The following KCNK12 variants were observed in gnomAD, a reference collection of about 807,000 sequenced individuals.
KCNK12 encodes potassium two pore domain channel subfamily K member 12.
A neutral mutation model predicts 25.3 loss-of-function variants in KCNK12; 6 were observed. That is an observed-to-expected ratio of 0.24 (90% CI 0.13 to 0.47). The LOEUF is 0.47. KCNK12 is among the 20% of genes least tolerant of loss of function. The pLI is 0.99. For synonymous variants in KCNK12, 331 were observed against 311.1 expected (o/e 1.06, Z -0.67); for missense variants, 444 against 661.7 (o/e 0.67, Z 3.61).
In KCNK12 at chr2:47,515,730, G is replaced by T. The variant is rs1374996192; in HGVS notation, c.*5177C>A. ...ATTTCTAGGGAAAATTGAAGGAAAA[G>T]AAGGAGGGGGATGTGGAGGGGAGAG... On this transcript the variant is annotated 3_prime_UTR_variant, in exon 2 of 2. Transcript: ENST00000327876. Among the ~76,000 whole-genome samples, 1 of 152,154 alleles carries T rather than the reference G, an allele frequency of 6.6e-6. No individual in the cohort carries two copies. The highest frequency in any genetic ancestry group is 2.4e-5 in the African/African-American group (1 of 41,426).
chr2:47,538,768 CAA>C lies in KCNK12; in HGVS notation c.392-16962_392-16961del, dbSNP rs1426868341. Among the ~76,000 whole-genome samples, 3 of 152,118 alleles carry C rather than the reference CAA, an allele frequency of 2.0e-5. No individual in the cohort carries two copies. Among genetic ancestry groups the C allele is most frequent in the Non-Finnish European group, 4.4e-5 (3 of 68,030 alleles). On this transcript the variant is annotated intron_variant, in intron 1 of 1. Transcript: ENST00000327876. The surrounding 1 kb of genome is among the most constrained non-coding windows in gnomAD (Gnocchi z 4.5). ...CCTGGGTGACAGAGAAAACAATGGA[CAA>C]AGAGATTAGCCAGCAAATCCCTCCT... is the stretch of plus-strand genomic sequence containing the variant.
At chr2:47,541,873 C>T (rs368258924) in intron 1 of KCNK12, among the ~76,000 whole-genome samples, 23 of 152,324 alleles carry the variant, frequency 1.5e-4, no homozygotes, top group African/African-American at 5.3e-4. Flanking sequence ...TTAAGTCCCC[C>T]AGTCCGTGGT....
chr2:47,546,561 G>C (rs916455417), intron 1 of KCNK12, among the ~76,000 whole-genome samples: 2 of 152,178 alleles, frequency 1.3e-5, no homozygotes, highest in Non-Finnish European at 2.9e-5. Context: ...GGAGGCTGAG[G>C]TGGGAGGATC....
At chr2:47,546,056 A>G (rs989915505) in intron 1 of KCNK12, among the ~76,000 whole-genome samples, 8 of 152,212 alleles carry the variant, frequency 5.3e-5, no homozygotes, top group African/African-American at 1.9e-4. Flanking sequence ...GCTGTAAATG[A>G]AGCAAGTGTC....
In KCNK12 at chr2:47,551,788, A is replaced by G. The variant is rs542484314; in HGVS notation, c.391+18153T>C. 9.2e-5 allele frequency among the ~76,000 whole-genome samples: 14 copies of G among 152,360 alleles called. No individual in the cohort carries two copies. In the East Asian group the frequency reaches 2.1e-3, roughly 23 times the overall value. On this transcript the variant is annotated intron_variant, in intron 1 of 1. Coordinates refer to ENST00000327876, the MANE Select transcript of KCNK12 (RefSeq NM_022055.2). This position sits in a 1 kb window ranked among gnomAD's most constrained non-coding sequence, Gnocchi z 5.3. ...ATTGGTTTAAGATTCAGTTCTAGCCACAGGCTGCACTGTGCATAAATCTAG... is the reference window on the plus strand; with the variant it reads ...ATTGGTTTAAGATTCAGTTCTAGCCGCAGGCTGCACTGTGCATAAATCTAG...
At chr2:47,563,906 G>C (rs570126048) in intron 1 of KCNK12, 1 of 232,254 alleles carries the variant, frequency 4.3e-6, no homozygotes, top group South Asian at 1.8e-4. Flanking sequence ...CTCTCAGCTG[G>C]CTTGGCCCAG....
chr2:47,569,892 C>G lies in KCNK12; in HGVS notation c.391+49G>C, dbSNP rs1162387105. On this transcript the variant is annotated intron_variant, in intron 1 of 1. Transcript: ENST00000327876. This position sits in a 1 kb window ranked among gnomAD's most constrained non-coding sequence, Gnocchi z 4.1. ...AGCGGCCGAGCAGTGGAAAGGGCGG[C>G]AGGTGAAAGGCACAGAGAGGAAAGA... 7.8e-7 allele frequency: 1 copy of G among 1,286,376 alleles called. No homozygotes were observed. Among genetic ancestry groups the G allele is most frequent in the Non-Finnish European group, 9.9e-7 (1 of 1,006,198 alleles). 79.7% of individuals were successfully genotyped at this position (1,286,376 alleles called of 1,614,324 possible).
rs1026071348 is a variant in KCNK12 at position 47,538,784 on chromosome 2, C to G, written c.392-16976G>C. 1.1e-4 allele frequency among the ~76,000 whole-genome samples: 16 copies of G among 152,086 alleles called. No homozygotes were observed. The highest frequency in any genetic ancestry group is 1.9e-4 in the Non-Finnish European group (13 of 68,026). On this transcript the variant is annotated intron_variant, in intron 1 of 1. Transcript: ENST00000327876. This position sits in a 1 kb window ranked among gnomAD's most constrained non-coding sequence, Gnocchi z 4.5. Reference sequence around the variant, plus strand: ...AACAATGGACAAAGAGATTAGCCAGCAAATCCCTCCTGCACACTTTCAGGG... The same window carrying G: ...AACAATGGACAAAGAGATTAGCCAGGAAATCCCTCCTGCACACTTTCAGGG...
chr2:47,529,334 C>G lies in KCNK12; in HGVS notation c.392-7526G>C, dbSNP rs546354624. On this transcript the variant is annotated intron_variant, in intron 1 of 1. Transcript: ENST00000327876. This position sits in a 1 kb window ranked among gnomAD's most constrained non-coding sequence, Gnocchi z 4.3. ...GGTCAGAAAATGGGCCCAGGAATTT[C>G]ATTTTAACAAATGTCTCCAGATAAA... 9.5e-4 allele frequency among the ~76,000 whole-genome samples: 144 copies of G among 152,284 alleles called. No individual in the cohort carries two copies. Among genetic ancestry groups the G allele is most frequent in the Middle Eastern group, 3.4e-3 (1 of 294 alleles).
chr2:47,545,914 C>CTT lies in KCNK12; in HGVS notation c.391+24025_391+24026dup, dbSNP rs541242406. Among the ~76,000 whole-genome samples, 88 of 145,082 alleles carry CTT rather than the reference C, an allele frequency of 6.1e-4. 1 individual carries two copies. Among genetic ancestry groups the CTT allele is most frequent in the African/African-American group, 1.8e-3 (72 of 39,746 alleles). On this transcript the variant is annotated intron_variant, in intron 1 of 1. Coordinates refer to ENST00000327876, the MANE Select transcript of KCNK12 (RefSeq NM_022055.2). ...GCCGAGACTGAATTGCACTTAACTT[C>CTT]TTTTTTTTTTTTTTCTCAAATAATT...
In KCNK12 at chr2:47,515,805, G is replaced by A. The variant is rs1325519535; in HGVS notation, c.*5102C>T. Among the ~76,000 whole-genome samples, 1 of 152,192 alleles carries A rather than the reference G, an allele frequency of 6.6e-6. No individual in the cohort carries two copies. Among genetic ancestry groups the A allele is most frequent in the African/African-American group, 2.4e-5 (1 of 41,446 alleles). Reference sequence around the variant, plus strand: ...TTATTAGGGCAAGTAAGCTGCTTCTGAAAAGAAGGGGTTTGCAAAGCCAAC... The same window carrying A: ...TTATTAGGGCAAGTAAGCTGCTTCTAAAAAGAAGGGGTTTGCAAAGCCAAC... On this transcript the variant is annotated 3_prime_UTR_variant, in exon 2 of 2. Transcript: ENST00000327876.
At chr2:47,534,080 C>G (rs1206256031) in intron 1 of KCNK12, among the ~76,000 whole-genome samples, 1 of 151,940 alleles carries the variant, frequency 6.6e-6, no homozygotes, top group African/African-American at 2.4e-5. Flanking sequence ...AGTAGGGGAG[C>G]TAGGGACAGA....
At chr2:47,559,144 G>C (rs1669611605) in intron 1 of KCNK12, among the ~76,000 whole-genome samples, 1 of 152,198 alleles carries the variant, frequency 6.6e-6, no homozygotes, top group Admixed American at 6.5e-5. Context: ...GTCTAGTTTG[G>C]TTTCAGTCCA....
intron 1 of KCNK12, among the ~76,000 whole-genome samples, chr2:47,544,223 G>C (rs961188496): frequency 1.3e-5 from 2 of 152,180 alleles, no homozygotes; most frequent in Non-Finnish European, 2.9e-5. Flanking sequence ...CATACACGTG[G>C]TGTTTCGGGG....
intron 1 of KCNK12, among the ~76,000 whole-genome samples, chr2:47,527,293 C>T (rs1179429799): frequency 6.6e-6 from 1 of 152,218 alleles, no homozygotes; most frequent in East Asian, 1.9e-4. Context: ...CTCCTTTCTA[C>T]TGATCATTGC....
Position 47,513,297 on chromosome 2 carries a change from C to G in KCNK12, c.*7610G>C, listed in dbSNP as rs1481241343. 1 of 152,192 alleles carries G rather than the reference C, an allele frequency of 6.6e-6. No individual in the cohort carries two copies. The highest frequency in any genetic ancestry group is 1.5e-5 in the Non-Finnish European group (1 of 68,032). 9.4% of individuals were successfully genotyped at this position (152,192 alleles called of 1,614,324 possible). Reference sequence around the variant, plus strand: ...TTCTGCCAAGGTCACTGATATTTCCCTTTGCTAAATCTTGTGGGTGTTTTC... The same window carrying G: ...TTCTGCCAAGGTCACTGATATTTCCGTTTGCTAAATCTTGTGGGTGTTTTC... On this transcript the variant is annotated 3_prime_UTR_variant, in exon 2 of 2. Transcript: ENST00000327876.
At chr2:47,558,821 G>C (rs1572608723) in intron 1 of KCNK12, among the ~76,000 whole-genome samples, 1 of 152,338 alleles carries the variant, frequency 6.6e-6, no homozygotes, top group African/African-American at 2.4e-5. Flanking sequence ...GATGGTGCTG[G>C]GCCGTGTGGG....
In KCNK12 at chr2:47,560,865, G is replaced by A. The variant is rs1187784741; in HGVS notation, c.391+9076C>T. On this transcript the variant is annotated intron_variant, in intron 1 of 1. Transcript: ENST00000327876. This position sits in a 1 kb window ranked among gnomAD's most constrained non-coding sequence, Gnocchi z 4.7. ...AGTTTGGAAAGGGGAGATACTGGTG[G>A]GCTCTGTGGCCTCCCCTGGCCCCAG... 6.6e-6 allele frequency among the ~76,000 whole-genome samples: 1 copy of A among 152,084 alleles called. No individual in the cohort carries two copies. The highest frequency in any genetic ancestry group is 2.4e-5 in the African/African-American group (1 of 41,394).
rs1046331871 is a variant in KCNK12 at position 47,547,965 on chromosome 2, G to C, written c.391+21976C>G. Among the ~76,000 whole-genome samples, 5 of 152,112 alleles carry C rather than the reference G, an allele frequency of 3.3e-5. No individual in the cohort carries two copies. Among genetic ancestry groups the C allele is most frequent in the Admixed American group, 1.3e-4 (2 of 15,268 alleles). Reference sequence around the variant, plus strand: ...GTGGTGGGAAGTGATTGGAACATGGGGGTGGATTTCCCCCTTGCCGTTCTC... The same window carrying C: ...GTGGTGGGAAGTGATTGGAACATGGCGGTGGATTTCCCCCTTGCCGTTCTC... On this transcript the variant is annotated intron_variant, in intron 1 of 1. Transcript: ENST00000327876. This position sits in a 1 kb window ranked among gnomAD's most constrained non-coding sequence, Gnocchi z 5.0.
Sources: allele counts gnomAD v4.1 joint callset (sites outside exome capture counted in the v4.1 genomes callset), GRCh38; gene constraint gnomAD v4.1.1; non-coding constraint Gnocchi (gnomAD v3.1); transcripts MANE v1.5; gene names NCBI Gene and HGNC (gene_info 2026-07-23, HGNC 2026-07-21).